PICALM: variants seen among roughly 807,000 people sequenced by gnomAD.
PICALM encodes phosphatidylinositol binding clathrin assembly protein, also known as phosphatidylinositol-binding clathrin assembly protein.
A neutral mutation model predicts 80.5 loss-of-function variants in PICALM; 40 were observed. The observed-to-expected ratio is 0.50, with a 90% CI of 0.39 to 0.65. The LOEUF (loss-of-function observed/expected upper bound fraction) is 0.65, where lower values mean the gene tolerates loss of function less well. Ranked by LOEUF, PICALM falls within the 30% of genes least tolerant of loss-of-function variation. PICALM has a pLI of 0.00. For synonymous variants in PICALM, 288 were observed against 260.3 expected (o/e 1.11, Z -1.02); for missense variants, 676 against 778.9 (o/e 0.87, Z 1.57).
At chr11:86,044,501 T>C (rs1251940194) in intron 1 of PICALM, among the ~76,000 whole-genome samples, 1 of 152,224 alleles carries the variant, frequency 6.6e-6, no homozygotes, top group Admixed American at 6.5e-5. Flanking sequence ...GGTGGAAATC[T>C]CATTTATTTA....
At chr11:86,063,642 G>A (rs1351000196) in intron 1 of PICALM, among the ~76,000 whole-genome samples, 2 of 151,928 alleles carry the variant, frequency 1.3e-5, no homozygotes, top group Admixed American at 1.3e-4. Context: ...CATGGCGACA[G>A]AAAAAATAAA....
intron 19 of PICALM, chr11:85,960,629 G>T (rs940698159): frequency 1.3e-6 from 1 of 789,234 alleles, no homozygotes; most frequent in Non-Finnish European, 1.9e-6. Flanking sequence ...TTTGGTAATT[G>T]TTTTTAAGTA....
intron 1 of PICALM, among the ~76,000 whole-genome samples, chr11:86,047,876 G>C (rs1351067201): frequency 1.3e-5 from 2 of 152,100 alleles, no homozygotes; most frequent in Non-Finnish European, 2.9e-5. Context: ...GAGGCGGGCA[G>C]ATCACCTGAG....
intron 2 of PICALM, among the ~76,000 whole-genome samples, chr11:86,026,944 C>T (rs2095657957): frequency 6.6e-6 from 1 of 152,180 alleles, no homozygotes; most frequent in Non-Finnish European, 1.5e-5. Flanking sequence ...CACAGGTTTT[C>T]ACCATTTTAC....
At chr11:86,015,619 T>C (rs928767695) in intron 4 of PICALM, among the ~76,000 whole-genome samples, 2 of 152,212 alleles carry the variant, frequency 1.3e-5, no homozygotes, top group Admixed American at 6.5e-5. Flanking sequence ...AGAGAAATTA[T>C]TGGCAGCACC....
chr11:86,012,627 AAAG>A lies in PICALM; in HGVS notation c.547-238_547-236del, dbSNP rs1236219823. ...CCAGATAATTGTATTTATTTGACTA[AAAG>A]AATACTGGAAATATTTTTAGTTTTA... On this transcript the variant is annotated intron_variant, in intron 5 of 19. Transcript: ENST00000393346. Among the ~76,000 whole-genome samples the A allele has an allele frequency of 2.0e-5, 3 of 152,246 alleles. No homozygotes were observed. The East Asian group carries it at 5.8e-4, about 29-fold the overall frequency.
At chr11:86,035,442 T>A (rs935996939) in intron 1 of PICALM, among the ~76,000 whole-genome samples, 1 of 152,300 alleles carries the variant, frequency 6.6e-6, no homozygotes, top group Admixed American at 6.5e-5. Flanking sequence ...GATACCCGAA[T>A]AAGATTTTCT....
intron 1 of PICALM, among the ~76,000 whole-genome samples, chr11:86,059,183 T>C (rs1286267687): frequency 1.3e-5 from 2 of 152,242 alleles, no homozygotes; most frequent in South Asian, 2.1e-4. Context: ...TTTATGTCCA[T>C]AAATTGTTCA....
chr11:86,017,315 C>T (rs2095496815), intron 4 of PICALM, among the ~76,000 whole-genome samples: 1 of 152,022 alleles, frequency 6.6e-6, no homozygotes, highest in Admixed American at 6.5e-5. Context: ...AACACCTAAT[C>T]CATAAATATA....
intron 4 of PICALM, among the ~76,000 whole-genome samples, chr11:86,019,382 G>C (rs2095531127): frequency 6.6e-6 from 1 of 151,922 alleles, no homozygotes; most frequent in African/African-American, 2.4e-5. Flanking sequence ...ATTCAACTAA[G>C]TCAATACTAA....
At position 86,034,907 on chromosome 11, in the gene PICALM, T is replaced by C. The variant is rs72963094; in HGVS notation, c.131-3296A>G. On this transcript the variant is annotated intron_variant, in intron 1 of 19. Coordinates refer to ENST00000393346, the MANE Select transcript of PICALM (RefSeq NM_007166.4). ...CAATGACTGAGGTAGATAAAGCTGATGTTAACTGTATTTACACAGGCAAGG... is the reference window on the plus strand; with the variant it reads ...CAATGACTGAGGTAGATAAAGCTGACGTTAACTGTATTTACACAGGCAAGG... Among the ~76,000 whole-genome samples the C allele has an allele frequency of 1.7e-3, 265 of 152,316 alleles. 1 individual carries two copies. Among genetic ancestry groups the C allele is most frequent in the Non-Finnish European group, 3.3e-3 (227 of 68,028 alleles).
At chr11:86,038,887 A>T (rs2095894327) in intron 1 of PICALM, among the ~76,000 whole-genome samples, 1 of 151,704 alleles carries the variant, frequency 6.6e-6, no homozygotes, top group South Asian at 2.1e-4. Flanking sequence ...AGGAGAACGG[A>T]TCACTCAAGG....
At chr11:85,974,658 A>G (rs1389642968) in intron 19 of PICALM, 50 bp downstream of exon 19, 23 of 1,201,966 alleles carry the variant, frequency 1.9e-5, no homozygotes, top group Non-Finnish European at 2.7e-5. Flanking sequence ...ATAGTATCAT[A>G]TTCCTTCCAA....
intron 1 of PICALM, among the ~76,000 whole-genome samples, chr11:86,040,814 G>C (rs4943936): frequency 0.16 from 23,900 of 151,922 alleles, 2,405 homozygotes; most frequent in Middle Eastern, 0.24. Context: ...AAATGACCCG[G>C]ATGCAATTCA....
rs149884768 is a variant in PICALM at position 86,021,162 on chromosome 11, A to G, written c.452+1205T>C. Among the ~76,000 whole-genome samples the G allele has an allele frequency of 2.3e-3, 353 of 152,286 alleles. 2 individuals carry two copies. The highest frequency in any genetic ancestry group is 8.2e-3 in the African/African-American group (339 of 41,576). On this transcript the variant is annotated intron_variant, in intron 4 of 19. Transcript: ENST00000393346. ...CAGGAGTTCAAGACCAGCCTTGGCA[A>G]CATAGTGAGAACTCATTTGTATGAA...
At chr11:86,053,373 C>A (rs1158536791) in intron 1 of PICALM, among the ~76,000 whole-genome samples, 2 of 152,204 alleles carry the variant, frequency 1.3e-5, no homozygotes, top group African/African-American at 4.8e-5. Flanking sequence ...GTCTGGATGT[C>A]ACTTCTTTTT....
At chr11:86,068,551 G>A (rs1206122215) in intron 1 of PICALM, 100 bp downstream of exon 1, 2 of 1,139,424 alleles carry the variant, frequency 1.8e-6, no homozygotes, top group East Asian at 2.6e-5. Context: ...ACGCAGGGAG[G>A]GAAGAGGCAG....
At chr11:85,978,724 G>C (rs1296290978) in intron 17 of PICALM, 1 of 152,090 alleles carries the variant, frequency 6.6e-6, no homozygotes, top group African/African-American at 2.4e-5. Flanking sequence ...GCAAGATAAA[G>C]ACTGTTACCT....
At chr11:86,014,594 T>C (rs2095451020) in intron 5 of PICALM, among the ~76,000 whole-genome samples, 1 of 152,174 alleles carries the variant, frequency 6.6e-6, no homozygotes, top group Non-Finnish European at 1.5e-5. Context: ...CTAAAAGCCA[T>C]TATCAAAAGA....
Sources: gnomAD v4.1 joint callset for allele counts (sites outside exome capture counted in the v4.1 genomes callset) on GRCh38, gnomAD v4.1.1 for gene constraint, MANE v1.5 for transcripts, NCBI Gene and HGNC (gene_info 2026-07-23, HGNC 2026-07-21) for gene names.